The following MAGEB3 variants were observed in gnomAD, a reference collection of about 807,000 sequenced individuals.
The protein encoded by MAGEB3 is melanoma-associated antigen B3.
For synonymous variants in MAGEB3, 91 were observed against 93.0 expected, an observed-to-expected ratio of 0.98 and a Z score of 0.12; for missense variants, 191 against 262.4, an observed-to-expected ratio of 0.73 and a Z score of 1.88.
In MAGEB3 at chrX:30,237,056, C is replaced by T; in HGVS notation, c.*91C>T. On this transcript the variant is annotated 3_prime_UTR_variant, in exon 5 of 5. Transcript: ENST00000361644. ...ACTGGGTGTTACTGGAGGGAACACACTGTATAATACCTTTTGTTTCTGTTC... is the reference window on the plus strand; with the variant it reads ...ACTGGGTGTTACTGGAGGGAACACATTGTATAATACCTTTTGTTTCTGTTC... 3 of 576,654 alleles carry T rather than the reference C, an allele frequency of 5.2e-6. No individual in the cohort carries two copies. Among genetic ancestry groups the T allele is most frequent in the Non-Finnish European group, 8.0e-6 (3 of 376,328 alleles). 47.5% of individuals were successfully genotyped at this position (576,654 alleles called of 1,213,427 possible). A position where few individuals can be genotyped will look rare whatever the true frequency, so the allele number is the denominator to read the frequency against.
In MAGEB3 at chrX:30,236,878, C is replaced by A. The variant is rs749159690; in HGVS notation, c.954C>A (p.Val318=). 7 of 1,209,794 alleles carry A rather than the reference C, an allele frequency of 5.8e-6. No individual in the cohort carries two copies. The East Asian group carries it at 1.2e-4, about 20-fold the overall frequency. The change falls in exon 5 of 5, where the codon GTC becomes GTA. Residue 318 remains valine, a synonymous_variant. Transcript: ENST00000361644. ...EEALRDEEER[V]QAAAMLNDGS... ...CTTTGAGAGATGAGGAAGAAAGAGT[C>A]CAAGCTGCAGCTATGCTCAATGATG...
intron 4 of MAGEB3, among the ~76,000 whole-genome samples, chrX:30,235,650 A>C (rs770392084): frequency 1.8e-5 from 2 of 111,970 alleles, no homozygotes; most frequent in Non-Finnish European, 3.8e-5. Flanking sequence ...TCTCAGTCCC[A>C]GTATACACAG....
At chrX:30,233,957 A>C (rs1023909121) in intron 4 of MAGEB3, among the ~76,000 whole-genome samples, 14 of 112,432 alleles carry the variant, frequency 1.2e-4, no homozygotes, top group Non-Finnish European at 2.1e-4. Context: ...GCCAAGGTGA[A>C]GTCTCCGAGT....
intron 4 of MAGEB3, among the ~76,000 whole-genome samples, chrX:30,233,871 G>T (rs1196258486): frequency 1.8e-5 from 2 of 111,563 alleles, no homozygotes; most frequent in Non-Finnish European, 3.8e-5. Flanking sequence ...GTCTGGAAAG[G>T]CACCCAGAGG....
At chrX:30,232,025 G>A (rs1295547938) in intron 2 of MAGEB3, among the ~76,000 whole-genome samples, 1 of 112,433 alleles carries the variant, frequency 8.9e-6, no homozygotes, top group African/African-American at 3.2e-5. Context: ...GAGACCCCGA[G>A]CGGGGTGTGG....
intron 4 of MAGEB3, 97 bp from the exon 5 acceptor site, chrX:30,235,767 C>G (rs1326869897): frequency 2.2e-6 from 1 of 448,528 alleles, no homozygotes; most frequent in Non-Finnish European, 3.9e-6. Context: ...CAGAGCAGTG[C>G]TCTCACAGAA....
At chrX:30,234,689 G>T (rs1382350487) in intron 4 of MAGEB3, among the ~76,000 whole-genome samples, 1 of 111,714 alleles carries the variant, frequency 9.0e-6, no homozygotes. Context: ...GAGAGACTTG[G>T]GTCCTAACTG....
intron 2 of MAGEB3, among the ~76,000 whole-genome samples, chrX:30,232,245 G>T (rs1225143735): frequency 9.0e-6 from 1 of 111,604 alleles, no homozygotes; most frequent in Admixed American, 9.4e-5. Context: ...TCAGCCTGGC[G>T]GGTCTCAGGG....
At chrX:30,233,628 C>G (rs1160047579) in intron 4 of MAGEB3, among the ~76,000 whole-genome samples, 1 of 107,172 alleles carries the variant, frequency 9.3e-6, no homozygotes, top group Non-Finnish European at 1.9e-5. Context: ...TGGCGGACTT[C>G]GCTCAGTAGA....
At chrX:30,231,676 C>CAAAAAAAAAAAAAAAAA (rs747591707) in intron 2 of MAGEB3, 58 bp downstream of exon 2, 3 of 28,081 alleles carry the variant, frequency 1.1e-4, no homozygotes, top group Non-Finnish European at 1.5e-4. Flanking sequence ...GCCCCTGTCA[C>CAAAAAAAAAAAAAAAAA]AAAAAAAAAA....
intron 4 of MAGEB3, among the ~76,000 whole-genome samples, chrX:30,233,928 G>A (rs1924904137): frequency 8.9e-6 from 1 of 111,920 alleles, no homozygotes; most frequent in Admixed American, 9.4e-5. Context: ...AGTTGGCGGG[G>A]ACCTGGACCC....
Position 30,235,848 on chromosome X carries a change from T to C in MAGEB3, c.-61-16T>C. 2 of 786,870 alleles carry C rather than the reference T, an allele frequency of 2.5e-6. No homozygotes were observed. The highest frequency in any genetic ancestry group is 1.9e-6 in the Non-Finnish European group (1 of 539,307). 64.8% of individuals were successfully genotyped at this position (786,870 alleles called of 1,213,427 possible). ...GCTGAAGGCACTCATACCCTCTCTT[T>C]CTCTCTCTCCTCCAGGTGCCTGTAT... is the stretch of plus-strand genomic sequence containing the variant. On this transcript the variant is annotated splice_polypyrimidine_tract_variant and intron_variant, in intron 4 of 4. Coordinates refer to ENST00000361644, the MANE Select transcript of MAGEB3 (RefSeq NM_002365.5).
At chrX:30,235,498 G>A (rs771510466) in intron 4 of MAGEB3, among the ~76,000 whole-genome samples, 1 of 111,219 alleles carries the variant, frequency 9.0e-6, no homozygotes, top group Non-Finnish European at 1.9e-5. Context: ...GAGGACATTT[G>A]CTGGAGGTGT....
rs1294192392 is a variant in MAGEB3, at chrX:30,236,634, A to G, written c.710A>G (p.Lys237Arg). The change falls in exon 5 of 5, where the codon AAA becomes AGA. Residue 237 changes from lysine (K) to arginine (R), a missense_variant. Lys to Arg is a conservative substitution (Grantham distance 26). Coordinates refer to ENST00000361644, the MANE Select transcript of MAGEB3 (RefSeq NM_002365.5). ...AAGATGAGAATATATGATGGGAAGA[A>G]ACACTTCATATTTGGGGAGCCCAGA... ...LNKMRIYDGKKHFIFGEPRKL... is the reference protein window; with the variant it reads ...LNKMRIYDGKRHFIFGEPRKL... 2.5e-6 allele frequency: 3 copies of G among 1,209,933 alleles called. No individual in the cohort carries two copies. The highest frequency in any genetic ancestry group is 3.4e-6 in the Non-Finnish European group (3 of 894,717).
rs1925006175 is a variant in MAGEB3, at chrX:30,237,126, T to C, written c.*161T>C. The C allele has an allele frequency of 5.0e-6, 2 of 396,380 alleles. No homozygotes were observed. The highest frequency in any genetic ancestry group is 8.7e-6 in the Non-Finnish European group (2 of 229,248). 32.7% of individuals were successfully genotyped at this position (396,380 alleles called of 1,213,427 possible). ...TTTATCTGTATTTTGGGGCATATTT[T>C]TCAAATGTTCCTTTTATTTAACATT... On this transcript the variant is annotated 3_prime_UTR_variant, in exon 5 of 5. Transcript: ENST00000361644.
chrX:30,236,959 C>T lies in MAGEB3; in HGVS notation c.1035C>T (p.His345=), dbSNP rs369618374. The change falls in exon 5 of 5, where the codon CAC becomes CAT. Residue 345 remains histidine (H), a synonymous_variant. Coordinates refer to ENST00000361644, the MANE Select transcript of MAGEB3 (RefSeq NM_002365.5). The part of the protein sequence containing the change: ...CSKAKASSSS[H]A ...AGGCCAAGGCTAGCAGCTCTTCCCA[C>T]GCCTAGTGAAGTTGAAGCAAATTTT... 4 of 1,188,402 alleles carry T rather than the reference C, an allele frequency of 3.4e-6. No individual in the cohort carries two copies. The highest frequency in any genetic ancestry group is 3.0e-5 in the East Asian group (1 of 33,483).
chrX:30,236,384 A>G lies in MAGEB3; in HGVS notation c.460A>G (p.Lys154Glu), dbSNP rs975049397. The G allele has an allele frequency of 8.3e-7, 1 of 1,209,647 alleles. No individual in the cohort carries two copies. Among genetic ancestry groups the G allele is most frequent in the African/African-American group, 1.7e-5 (1 of 57,331 alleles). The change falls in exon 5 of 5, where the codon AAA becomes GAA. Residue 154 changes from lysine (K) to glutamate (E), a missense_variant. Lys to Glu is a moderately conservative substitution (Grantham distance 56). Coordinates refer to ENST00000361644, the MANE Select transcript of MAGEB3 (RefSeq NM_002365.5). ...TAAGAATTGCTTCCCTGAGATCCTTAAAAAAGCTTCTTTCAACATGGAGGT... is the reference window on the plus strand; with the variant it reads ...TAAGAATTGCTTCCCTGAGATCCTTGAAAAAGCTTCTTTCAACATGGAGGT... ...SHKNCFPEILKKASFNMEVVF... is the reference protein window; with the variant it reads ...SHKNCFPEILEKASFNMEVVF...
In MAGEB3 at chrX:30,236,410, G is replaced by T. The variant is rs759872010; in HGVS notation, c.486G>T (p.Val162=). The T allele has an allele frequency of 1.7e-6, 2 of 1,210,733 alleles. No individual in the cohort carries two copies. Among genetic ancestry groups the T allele is most frequent in the Non-Finnish European group, 2.2e-6 (2 of 894,628 alleles). Residue 162 remains valine, a synonymous_variant, in exon 5 of 5, where the codon GTG becomes GTT. Coordinates refer to ENST00000361644, the MANE Select transcript of MAGEB3 (RefSeq NM_002365.5). ...AAAAAGCTTCTTTCAACATGGAGGT[G>T]GTATTTGGTGTTGATTTAAAGAAAG... ...ILKKASFNME[V]VFGVDLKKVD...
At position 30,236,224 on chromosome X, in the gene MAGEB3, A is replaced by G. The variant is rs1214161220; in HGVS notation, c.300A>G (p.Leu100=). The G allele has an allele frequency of 1.7e-6, 2 of 1,208,513 alleles. No homozygotes were observed. Among genetic ancestry groups the G allele is most frequent in the East Asian group, 3.0e-5 (1 of 33,764 alleles). The change falls in exon 5 of 5, where the codon CTA becomes CTG. Residue 100 remains leucine, a synonymous_variant. Transcript: ENST00000361644. ...IEKKQSFSQG[L]SSTVQSRTDP... is the part of the protein sequence containing the mutation. ...AAAAGCAAAGCTTCTCTCAGGGTCT[A>G]TCCTCCACTGTGCAGTCTCGCACAG... is the stretch of plus-strand genomic sequence containing the variant.
Sources: gnomAD v4.1 joint callset for allele counts (sites outside exome capture counted in the v4.1 genomes callset) on GRCh38, gnomAD v4.1.1 for gene constraint, MANE v1.5 for transcripts, NCBI Gene and HGNC (gene_info 2026-07-23, HGNC 2026-07-21) for gene names.